The following PBX1 variants were observed in gnomAD, a reference collection of about 807,000 sequenced individuals.
PBX1 encodes the protein pre-B-cell leukemia transcription factor 1.
Under a neutral mutation model 53.4 loss-of-function variants are expected in PBX1, and 6 were observed. That is an observed-to-expected ratio of 0.11 (90% CI 0.06 to 0.22). The LOEUF (loss-of-function observed/expected upper bound fraction) is 0.22. PBX1 is among the 10% of genes least tolerant of loss of function. The pLI is 1.00. For missense variants in PBX1, 251 were observed against 551.4 expected (o/e 0.46, Z 5.46); for synonymous variants, 204 against 212.3 (o/e 0.96, Z 0.34).
At position 164,653,181 on chromosome 1, in the gene PBX1, T is replaced by G. The variant is rs1188630200; in HGVS notation, c.265+89870T>G. 2.0e-5 allele frequency among the ~76,000 whole-genome samples: 3 copies of G among 152,232 alleles called. No homozygotes were observed. The South Asian group carries it at 6.2e-4, about 32-fold the overall frequency. ...CACACCCAGCCTTGTTTAAACTTTG[T>G]TAGTAGAATTACACAACATGTGTAC... On this transcript the variant is annotated intron_variant, in intron 2 of 8. Coordinates refer to ENST00000420696, the MANE Select transcript of PBX1 (RefSeq NM_002585.4).
At chr1:164,646,527 G>A (rs549937525) in intron 2 of PBX1, among the ~76,000 whole-genome samples, 3 of 152,224 alleles carry the variant, frequency 2.0e-5, no homozygotes, top group East Asian at 1.9e-4. Flanking sequence ...GGGGAGATAT[G>A]GCCAAACCGA....
At chr1:164,624,881 A>G (rs1285881197) in intron 2 of PBX1, among the ~76,000 whole-genome samples, 4 of 152,242 alleles carry the variant, frequency 2.6e-5, no homozygotes, top group Non-Finnish European at 5.9e-5. Flanking sequence ...AAAACTGCTT[A>G]TAAAATTTAG....
intron 5 of PBX1, among the ~76,000 whole-genome samples, chr1:164,808,607 T>C (rs567449500): frequency 1.1e-4 from 17 of 152,316 alleles, no homozygotes; most frequent in South Asian, 2.1e-4. Context: ...TCAAATGAAG[T>C]AGATGCTCTT....
chr1:164,612,158 A>G (rs900486197), intron 2 of PBX1, among the ~76,000 whole-genome samples: 2 of 152,096 alleles, frequency 1.3e-5, no homozygotes, highest in African/African-American at 4.8e-5. Flanking sequence ...GGTGTATTGC[A>G]CTGAAGTTGG....
At chr1:164,720,543 TCTGATGTATCTGAGAACC>T (rs1664347997) in intron 2 of PBX1, among the ~76,000 whole-genome samples, 1 of 152,204 alleles carries the variant, frequency 6.6e-6, no homozygotes, top group South Asian at 2.1e-4. Flanking sequence ...CCTAGAACTC[TCTGATGTATCTGAGAACC>T]CTGGAGGCTT....
intron 2 of PBX1, among the ~76,000 whole-genome samples, chr1:164,565,939 T>A (rs1368433461): frequency 6.6e-6 from 1 of 152,120 alleles, no homozygotes; most frequent in Non-Finnish European, 1.5e-5. Context: ...ATAATAGAGG[T>A]TACTTGATTT....
intron 2 of PBX1, among the ~76,000 whole-genome samples, chr1:164,746,700 G>A (rs745592954): frequency 5.9e-5 from 9 of 152,136 alleles, no homozygotes; most frequent in Non-Finnish European, 1.2e-4. Flanking sequence ...GAGCCACCAC[G>A]CCTGGCCCTT....
intron 2 of PBX1, among the ~76,000 whole-genome samples, chr1:164,864,610 G>A (rs1397438756): frequency 6.6e-6 from 1 of 152,156 alleles, no homozygotes; most frequent in East Asian, 1.9e-4. Context: ...AGCAAACTGG[G>A]GGAGGGAAGG....
At chr1:164,731,847 T>C (rs2102139645) in intron 2 of PBX1, among the ~76,000 whole-genome samples, 1 of 152,296 alleles carries the variant, frequency 6.6e-6, no homozygotes, top group Non-Finnish European at 1.5e-5. Context: ...CTGTGTGAGC[T>C]CTGCAGGTCT....
chr1:164,603,174 T>TC, intron 2 of PBX1, among the ~76,000 whole-genome samples: 1 of 151,930 alleles, frequency 6.6e-6, no homozygotes, highest in African/African-American at 2.4e-5. Flanking sequence ...TTTTTTTTTT[T>TC]CTTTTCCTGT....
chr1:164,612,331 G>C (rs1401229146), intron 2 of PBX1, among the ~76,000 whole-genome samples: 1 of 152,100 alleles, frequency 6.6e-6, no homozygotes, highest in South Asian at 2.1e-4. Flanking sequence ...CAAATGCGTC[G>C]CCATTGAGCA....
Position 164,715,566 on chromosome 1 carries a change from A to G in PBX1, c.266-76928A>G, listed in dbSNP as rs1407445228. 5.9e-5 allele frequency among the ~76,000 whole-genome samples: 9 copies of G among 152,152 alleles called. No individual in the cohort carries two copies. In the East Asian group the frequency reaches 1.2e-3, roughly 20 times the overall value. On this transcript the variant is annotated intron_variant, in intron 2 of 8. Transcript: ENST00000420696. Reference sequence around the variant, plus strand: ...AGGACCATGCTGGGGGACCTTATCTATCTAACTCCTGTTGTTGTCTAGTGC... The same window carrying G: ...AGGACCATGCTGGGGGACCTTATCTGTCTAACTCCTGTTGTTGTCTAGTGC...
chr1:164,725,840 A>G (rs1272401537), intron 2 of PBX1, among the ~76,000 whole-genome samples: 2 of 152,222 alleles, frequency 1.3e-5, no homozygotes, highest in African/African-American at 2.4e-5. Flanking sequence ...CAAGATGGAT[A>G]AATAAGTGAC....
rs575075004 is a variant in PBX1 at position 164,866,897 on chromosome 1, A to G, written n.258-32291A>G. 5.3e-5 allele frequency among the ~76,000 whole-genome samples: 8 copies of G among 152,166 alleles called. No homozygotes were observed. The South Asian group carries it at 1.7e-3, about 32-fold the overall frequency. On this transcript the variant is annotated intron_variant and non_coding_transcript_variant, in intron 2 of 2. Transcript: ENST00000558796. ...CTCTTTCTAAGCTGGACACAACCCT[A>G]TGCCACCCAATCTGTGGGACCTGAC...
intron 2 of PBX1, among the ~76,000 whole-genome samples, chr1:164,735,325 T>C (rs1454079065): frequency 6.6e-6 from 1 of 152,224 alleles, no homozygotes; most frequent in Non-Finnish European, 1.5e-5. Context: ...AAAACATGTA[T>C]GTTTTTGCTG....
intron 2 of PBX1, among the ~76,000 whole-genome samples, chr1:164,596,675 A>C (rs1655784417): frequency 6.6e-6 from 1 of 152,206 alleles, no homozygotes; most frequent in Admixed American, 6.5e-5. Flanking sequence ...CTTCTGTTCC[A>C]TTCATCCTGA....
intron 2 of PBX1, among the ~76,000 whole-genome samples, chr1:164,874,645 C>T (rs1027952646): frequency 1.3e-5 from 2 of 152,122 alleles, no homozygotes; most frequent in Admixed American, 1.3e-4. Flanking sequence ...AGGCGTACGT[C>T]ACCACGCCCA....
intron 2 of PBX1, among the ~76,000 whole-genome samples, chr1:164,568,742 TCGTCG>T (rs1232839595): frequency 2.6e-5 from 4 of 152,222 alleles, no homozygotes; most frequent in African/African-American, 9.7e-5. Flanking sequence ...GGGTAATCGA[TCGTCG>T]CTCATGAGGA....
chr1:164,816,266 T>G (rs1327977772), intron 6 of PBX1: 3 of 152,170 alleles, frequency 2.0e-5, no homozygotes, highest in Non-Finnish European at 4.4e-5. Context: ...CAATGAATTT[T>G]GGAATTCACA....
Sources: allele counts gnomAD v4.1 joint callset (sites outside exome capture counted in the v4.1 genomes callset), GRCh38; gene constraint gnomAD v4.1.1; transcripts MANE v1.5; gene names NCBI Gene and HGNC (gene_info 2026-07-23, HGNC 2026-07-21).